ULK4: variants seen among roughly 807,000 people sequenced by gnomAD.
ULK4 encodes unc-51 like kinase 4, also known as inactive serine/threonine-protein kinase ULK4.
In ULK4, 133 loss-of-function variants were observed where a neutral mutation model predicts 160.6. That is an observed-to-expected ratio of 0.83 (90% CI 0.72 to 0.96). The LOEUF (loss-of-function observed/expected upper bound fraction) is 0.96. Among genes scored for constraint, ULK4 ranks in the 40% least tolerant of loss-of-function variants. ULK4 has a pLI of 0.00. For synonymous variants in ULK4, 534 were observed against 539.8 expected (o/e 0.99, Z 0.15); for missense variants, 1,580 against 1,499.5 (o/e 1.05, Z -0.89).
At chr3:41,606,391 A>G (rs772203167) in intron 31 of ULK4, among the ~76,000 whole-genome samples, 17 of 152,028 alleles carry the variant, frequency 1.1e-4, no homozygotes, top group African/African-American at 3.6e-4. Flanking sequence ...ATTTAGGTTG[A>G]CTGCATATCT....
intron 17 of ULK4, among the ~76,000 whole-genome samples, chr3:41,855,247 G>A (rs774438048): frequency 3.6e-5 from 5 of 137,656 alleles, no homozygotes; most frequent in Admixed American, 6.9e-5. Context: ...AAACATACCC[G>A]TTTTCTAATC....
rs775999572 is a variant in ULK4, at chr3:41,883,933, C to T, written c.1597G>A (p.Val533Ile). 8.8e-5 allele frequency: 141 copies of T among 1,610,326 alleles called. 1 individual carries two copies. Among genetic ancestry groups the T allele is most frequent in the Non-Finnish European group, 1.1e-4 (126 of 1,176,560 alleles). ...NWDIRAKVAH[V>I]IGLLASHTAE... is the part of the protein sequence containing the mutation. ...GTGTGCGAAGCCAGTAAACCAATTA[C>T]GTGAGCAACCTTGGCCCGTCTGTAA... The change falls in exon 17 of 37, where the codon GTA becomes ATA. Residue 533 changes from valine to isoleucine, a missense_variant. Coordinates refer to ENST00000301831, the MANE Select transcript of ULK4 (RefSeq NM_017886.4).
chr3:41,868,808 TC>T (rs201361500), intron 17 of ULK4, among the ~76,000 whole-genome samples: 3 of 151,670 alleles, frequency 2.0e-5, no homozygotes, highest in East Asian at 1.9e-4. Context: ...GTCTTTTTTT[TC>T]CCCCCCAATA....
At chr3:41,805,039 T>C (rs1044678062) in intron 19 of ULK4, among the ~76,000 whole-genome samples, 4 of 152,248 alleles carry the variant, frequency 2.6e-5, no homozygotes, top group African/African-American at 9.6e-5. Context: ...GGTAGCTTGA[T>C]GGGTATGGCG....
At chr3:41,900,257 C>A (rs1040863376) in intron 13 of ULK4, among the ~76,000 whole-genome samples, 5 of 150,642 alleles carry the variant, frequency 3.3e-5, no homozygotes, top group Non-Finnish European at 7.3e-5. Context: ...GTCTTAACAA[C>A]CTGTGAGAGG....
At chr3:41,428,981 T>C (rs1227897833) in intron 34 of ULK4, among the ~76,000 whole-genome samples, 4 of 151,412 alleles carry the variant, frequency 2.6e-5, no homozygotes, top group Non-Finnish European at 5.9e-5. Flanking sequence ...ACCTACAGAA[T>C]GGGAGAAAAT....
chr3:41,634,917 T>G (rs930571503), intron 30 of ULK4, among the ~76,000 whole-genome samples: 2 of 152,044 alleles, frequency 1.3e-5, no homozygotes, highest in African/African-American at 2.4e-5. Flanking sequence ...AAAAGAAGAA[T>G]AAGAAGAAAC....
chr3:41,350,664 T>C (rs899639920), intron 35 of ULK4, among the ~76,000 whole-genome samples: 8 of 152,254 alleles, frequency 5.3e-5, no homozygotes, highest in Admixed American at 2.0e-4. Context: ...CTAAGTGTCA[T>C]TGTGTTTGGC....
In ULK4 at chr3:41,765,713, T is replaced by C. The variant is rs1465746756; in HGVS notation, c.2194-11225A>G. On this transcript the variant is annotated intron_variant, in intron 21 of 36. Transcript: ENST00000301831. ...ACTAGAAAGACTCCAAATTAAAAAC[T>C]TAAGTAAGGAGTGGAGGAAGCAATC... Among the ~76,000 whole-genome samples the C allele has an allele frequency of 2.0e-5, 3 of 152,216 alleles. No homozygotes were observed. In the East Asian group the frequency reaches 5.8e-4, roughly 29 times the overall value.
At chr3:41,859,082 T>C (rs943445484) in intron 17 of ULK4, among the ~76,000 whole-genome samples, 1 of 152,168 alleles carries the variant, frequency 6.6e-6, no homozygotes, top group Non-Finnish European at 1.5e-5. Context: ...AAGACAATCT[T>C]CTATCTCAGA....
chr3:41,947,580 T>A (rs1700151672), intron 2 of ULK4, among the ~76,000 whole-genome samples: 1 of 152,170 alleles, frequency 6.6e-6, no homozygotes, highest in African/African-American at 2.4e-5. Context: ...GATACTGACA[T>A]CATAGGCAAT....
At chr3:41,425,195 T>G (rs1380913857) in intron 34 of ULK4, among the ~76,000 whole-genome samples, 11 of 151,986 alleles carry the variant, frequency 7.2e-5, no homozygotes, top group Non-Finnish European at 5.9e-5. Flanking sequence ...GGAAAGAATT[T>G]CAGAGCTTGA....
intron 1 of ULK4, chr3:41,955,602 C>A: frequency 6.4e-6 from 1 of 156,054 alleles, no homozygotes; most frequent in South Asian, 1.8e-4. Flanking sequence ...GCTTTACTCC[C>A]TACGAGCTGG....
Position 41,797,776 on chromosome 3 carries a change from G to A in ULK4, c.2010+2356C>T, listed in dbSNP as rs139046613. The stretch of plus-strand genomic sequence containing the variant: ...CTCAGGAGGCTGAGGCACAAGAATC[G>A]CCTGAAACTGGGAGGAAGAGGTTGC... On this transcript the variant is annotated intron_variant, in intron 20 of 36. Coordinates refer to ENST00000301831, the MANE Select transcript of ULK4 (RefSeq NM_017886.4). 3.4e-3 allele frequency among the ~76,000 whole-genome samples: 514 copies of A among 152,018 alleles called. 2 individuals carry two copies. Among genetic ancestry groups the A allele is most frequent in the African/African-American group, 0.011 (476 of 41,430 alleles).
At chr3:41,368,842 T>G (rs1453543602) in intron 35 of ULK4, among the ~76,000 whole-genome samples, 1 of 152,252 alleles carries the variant, frequency 6.6e-6, no homozygotes, top group African/African-American at 2.4e-5. Flanking sequence ...AATGTTGTTA[T>G]GAAATTCATG....
intron 18 of ULK4, among the ~76,000 whole-genome samples, chr3:41,832,931 T>G (rs568216429): frequency 2.8e-4 from 43 of 152,326 alleles, no homozygotes; most frequent in African/African-American, 1.0e-3. Flanking sequence ...TTTTGGTTAC[T>G]GTAGCCTTGT....
chr3:41,572,698 G>A (rs1311228715), intron 31 of ULK4, among the ~76,000 whole-genome samples: 9 of 151,136 alleles, frequency 6.0e-5, no homozygotes, highest in Non-Finnish European at 1.3e-4. Flanking sequence ...CCCAGGAGGC[G>A]GAGCTTGCAA....
chr3:41,473,002 A>G (rs1332781599), intron 32 of ULK4, among the ~76,000 whole-genome samples: 2 of 152,244 alleles, frequency 1.3e-5, no homozygotes, highest in African/African-American at 4.8e-5. Flanking sequence ...AATGAAGGAA[A>G]AAAATTATAT....
chr3:41,463,694 A>G (rs953234189), intron 32 of ULK4, among the ~76,000 whole-genome samples: 1 of 152,154 alleles, frequency 6.6e-6, no homozygotes, highest in African/African-American at 2.4e-5. Context: ...GCAGTCCACA[A>G]ATGTAAGATA....
Sources: allele counts gnomAD v4.1 joint callset (sites outside exome capture counted in the v4.1 genomes callset), GRCh38; gene constraint gnomAD v4.1.1; transcripts MANE v1.5; gene names NCBI Gene and HGNC (gene_info 2026-07-23, HGNC 2026-07-21).